GSK3B: variants seen among roughly 807,000 people sequenced by gnomAD.
GSK3B encodes the protein glycogen synthase kinase-3 beta.
GSK3B carries 15 observed loss-of-function variants against 56.4 expected under a neutral mutation model. The observed-to-expected ratio is 0.27, with a 90% CI of 0.18 to 0.41. GSK3B has a LOEUF of 0.41. GSK3B is among the 10% of genes least tolerant of loss of function. The pLI, the probability that GSK3B is intolerant of heterozygous loss-of-function variation, is 1.00. For missense variants in GSK3B, 300 were observed against 513.4 expected (o/e 0.58, Z 4.02); for synonymous variants, 181 against 188.9 (o/e 0.96, Z 0.34).
In GSK3B at chr3:120,062,133, T is replaced by C. The variant is rs569300008; in HGVS notation, c.88+31214A>G. Among the ~76,000 whole-genome samples the C allele has an allele frequency of 1.3e-3, 205 of 152,344 alleles. 1 individual carries two copies. The highest frequency in any genetic ancestry group is 2.1e-3 in the Non-Finnish European group (141 of 68,026). ...TTAACAATTTGGGGAACACAGAGTA[T>C]AATTTTATCTTATTTTATTTTTGTT... On this transcript the variant is annotated intron_variant, in intron 1 of 10. Transcript: ENST00000264235.
chr3:120,071,371 G>A (rs1411246568), intron 1 of GSK3B, among the ~76,000 whole-genome samples: 3 of 152,072 alleles, frequency 2.0e-5, no homozygotes, highest in Admixed American at 1.3e-4. Flanking sequence ...TATATATCAG[G>A]GGTTTCTGTG....
intron 7 of GSK3B, among the ~76,000 whole-genome samples, chr3:119,889,976 A>T (rs1270599536): frequency 2.0e-5 from 3 of 152,140 alleles, no homozygotes; most frequent in Non-Finnish European, 2.9e-5. Flanking sequence ...TCATTTTAAG[A>T]CTAAATCTAA....
intron 3 of GSK3B, among the ~76,000 whole-genome samples, chr3:119,928,922 C>T (rs1181700889): frequency 6.6e-6 from 1 of 152,138 alleles, no homozygotes. Flanking sequence ...TCTTTAAATA[C>T]ATTACCTAAC....
chr3:119,825,580 C>T lies in GSK3B; in HGVS notation c.*1208G>A, dbSNP rs774114917. ...AGCAGGTATAAGTGACTGTATCATTCTGATGTGTAGTTTTTAATATTTCTA... is the reference window on the plus strand; with the variant it reads ...AGCAGGTATAAGTGACTGTATCATTTTGATGTGTAGTTTTTAATATTTCTA... On this transcript the variant is annotated 3_prime_UTR_variant, in exon 11 of 11. Coordinates refer to ENST00000264235, the MANE Select transcript of GSK3B (RefSeq NM_001146156.2). 10 of 228,240 alleles carry T rather than the reference C, an allele frequency of 4.4e-5. No individual in the cohort carries two copies. The highest frequency in any genetic ancestry group is 8.7e-5 in the Non-Finnish European group (10 of 115,170). 14.1% of individuals were successfully genotyped at this position (228,240 alleles called of 1,614,324 possible).
chr3:119,890,899 T>C (rs1189127371), intron 7 of GSK3B, among the ~76,000 whole-genome samples: 1 of 152,038 alleles, frequency 6.6e-6, no homozygotes, highest in African/African-American at 2.4e-5. Context: ...ATATACAATA[T>C]GCATATTTTT....
At position 119,935,472 on chromosome 3, in the gene GSK3B, C is replaced by T. The variant is rs538818948; in HGVS notation, c.366+11796G>A. Among the ~76,000 whole-genome samples, 8 of 152,254 alleles carry T rather than the reference C, an allele frequency of 5.3e-5. No individual in the cohort carries two copies. The South Asian group carries it at 1.7e-3, about 32-fold the overall frequency. On this transcript the variant is annotated intron_variant, in intron 3 of 10. Coordinates refer to ENST00000264235, the MANE Select transcript of GSK3B (RefSeq NM_001146156.2). ...ACTAGGAGGCTGACCTTGACCTAAT[C>T]ATATATGAACCCACTTTTACTTTCC...
intron 8 of GSK3B, among the ~76,000 whole-genome samples, chr3:119,870,238 A>T (rs2056234747): frequency 2.0e-5 from 3 of 152,178 alleles, no homozygotes; most frequent in Admixed American, 2.0e-4. Flanking sequence ...GAACACTTAC[A>T]GCACAGAATT....
chr3:120,013,335 G>A (rs999099412), intron 1 of GSK3B, among the ~76,000 whole-genome samples: 1 of 152,120 alleles, frequency 6.6e-6, no homozygotes, highest in African/African-American at 2.4e-5. Flanking sequence ...CATTTAATTT[G>A]ATGTTTCTTG....
intron 1 of GSK3B, among the ~76,000 whole-genome samples, chr3:120,002,948 T>C (rs932674400): frequency 6.6e-6 from 1 of 152,204 alleles, no homozygotes; most frequent in African/African-American, 2.4e-5. Context: ...GAAAATAAAA[T>C]ATGTGCAAAT....
At chr3:119,851,694 G>A (rs190413839) in intron 9 of GSK3B, among the ~76,000 whole-genome samples, 4 of 152,236 alleles carry the variant, frequency 2.6e-5, no homozygotes, top group Admixed American at 2.0e-4. Flanking sequence ...TCTCCAAAAA[G>A]GAGTTACTAA....
chr3:120,014,141 A>G (rs563477468), intron 1 of GSK3B, among the ~76,000 whole-genome samples: 50 of 151,442 alleles, frequency 3.3e-4, no homozygotes, highest in Admixed American at 2.6e-3. Context: ...TCAAAAAAAA[A>G]AAAAAAAAGC....
At chr3:120,061,515 G>A (rs1011927832) in intron 1 of GSK3B, among the ~76,000 whole-genome samples, 3 of 152,114 alleles carry the variant, frequency 2.0e-5, no homozygotes, top group Non-Finnish European at 4.4e-5. Flanking sequence ...TACCACAGGA[G>A]TGTTAAGAAG....
chr3:119,846,989 G>A (rs2055864559), intron 9 of GSK3B, among the ~76,000 whole-genome samples: 2 of 152,250 alleles, frequency 1.3e-5, no homozygotes, highest in Middle Eastern at 3.4e-3. Context: ...CTTTTGCAGG[G>A]ACATGGATGA....
chr3:120,064,161 T>C (rs867808320), intron 1 of GSK3B, among the ~76,000 whole-genome samples: 1 of 151,696 alleles, frequency 6.6e-6, no homozygotes, highest in Non-Finnish European at 1.5e-5. Context: ...TTCATTATTC[T>C]CAAAATTTCC....
chr3:120,006,505 T>TA (rs2057729369), intron 1 of GSK3B, among the ~76,000 whole-genome samples: 1 of 152,154 alleles, frequency 6.6e-6, no homozygotes, highest in Non-Finnish European at 1.5e-5. Flanking sequence ...ATTGACCACA[T>TA]AATTGGAAGT....
intron 7 of GSK3B, among the ~76,000 whole-genome samples, chr3:119,896,017 A>G (rs1055613022): frequency 2.6e-5 from 4 of 151,578 alleles, no homozygotes; most frequent in African/African-American, 9.7e-5. Flanking sequence ...AGTCCCAGAT[A>G]CTCAGGAGGC....
At chr3:120,048,154 A>C (rs1409993978) in intron 1 of GSK3B, among the ~76,000 whole-genome samples, 3 of 152,238 alleles carry the variant, frequency 2.0e-5, no homozygotes, top group Non-Finnish European at 4.4e-5. Context: ...ATAAGGTAAA[A>C]GAAAACCAAA....
At chr3:120,061,722 AATTTATTTATTT>A (rs200808389) in intron 1 of GSK3B, among the ~76,000 whole-genome samples, 4 of 151,844 alleles carry the variant, frequency 2.6e-5, no homozygotes, top group Non-Finnish European at 5.9e-5. Flanking sequence ...AGAATATATG[AATTTATTTATTT>A]ATTTATTTAT....
chr3:119,902,318 A>G (rs1277042629), intron 7 of GSK3B, among the ~76,000 whole-genome samples: 1 of 152,164 alleles, frequency 6.6e-6, no homozygotes, highest in Non-Finnish European at 1.5e-5. Flanking sequence ...TAACATTTGA[A>G]GAACAGATGT....
Sources: allele counts gnomAD v4.1 joint callset (sites outside exome capture counted in the v4.1 genomes callset), GRCh38; gene constraint gnomAD v4.1.1; transcripts MANE v1.5; gene names NCBI Gene and HGNC (gene_info 2026-07-23, HGNC 2026-07-21).